The following NUP35 variants were observed in gnomAD, a reference collection of about 807,000 sequenced individuals.
NUP35 encodes the protein nucleoporin NUP35.
NUP35 carries 25 observed loss-of-function variants against 41.5 expected under a neutral mutation model. The observed-to-expected ratio is 0.60, with a 90% CI of 0.44 to 0.84. The LOEUF (loss-of-function observed/expected upper bound fraction) is 0.84, where lower values mean the gene tolerates loss of function less well. Ranked by LOEUF, NUP35 falls within the 40% of genes least tolerant of loss-of-function variation. NUP35 has a pLI of 0.00. For missense variants in NUP35, 396 were observed against 396.6 expected, an observed-to-expected ratio of 1.00 and a Z score of 0.01; for synonymous variants, 149 against 130.7, an observed-to-expected ratio of 1.14 and a Z score of -0.96.
intron 1 of NUP35, among the ~76,000 whole-genome samples, chr2:183,119,343 A>G (rs1575106833): frequency 6.6e-6 from 1 of 152,214 alleles, no homozygotes; most frequent in East Asian, 1.9e-4. Flanking sequence ...AGGAAAAGTT[A>G]TGGTCCCTGG....
At chr2:183,128,572 C>T (rs956383779) in intron 2 of NUP35, 115 bp downstream of exon 2, 7 of 513,530 alleles carry the variant, frequency 1.4e-5, no homozygotes, top group Non-Finnish European at 2.2e-5. Flanking sequence ...ACATAAAATA[C>T]AGTAACTCTA....
chr2:183,130,628 G>A, intron 3 of NUP35, 83 bp downstream of exon 3: 2 of 1,403,136 alleles, frequency 1.4e-6, no homozygotes, highest in Non-Finnish European at 2.0e-6. Flanking sequence ...ACTTTGAAAT[G>A]TTTCCCTGAA....
At chr2:183,161,006 T>C (rs187880113) in intron 8 of NUP35, 48 bp from the exon 9 acceptor site, 3 of 1,420,448 alleles carry the variant, frequency 2.1e-6, no homozygotes, top group African/African-American at 2.8e-5. Context: ...CCTATGACAC[T>C]GAAGTAACAA....
intron 1 of NUP35, chr2:183,118,286 C>T (rs964049174): frequency 6.6e-6 from 1 of 152,080 alleles, no homozygotes; most frequent in African/African-American, 2.4e-5. Flanking sequence ...TATTCATCTA[C>T]AGAGGAATAT....
upstream of NUP35, chr2:183,124,339 C>A: frequency 6.3e-7 from 1 of 1,585,058 alleles, no homozygotes; most frequent in Non-Finnish European, 8.6e-7. Flanking sequence ...TTAAGCATAG[C>A]GCAGGTCCGG....
intron 3 of NUP35, among the ~76,000 whole-genome samples, chr2:183,132,655 A>G (rs939915597): frequency 1.3e-5 from 2 of 152,358 alleles, no homozygotes; most frequent in African/African-American, 4.8e-5. Context: ...CTCTGATGAT[A>G]CAGACAAAGG....
intron 5 of NUP35, among the ~76,000 whole-genome samples, chr2:183,154,139 C>A (rs931985036): frequency 2.0e-5 from 3 of 152,164 alleles, no homozygotes; most frequent in African/African-American, 7.2e-5. Flanking sequence ...AGCACAGGGA[C>A]CCTGGGCCTG....
At chr2:183,157,196 G>C (rs1001824689) in intron 5 of NUP35, among the ~76,000 whole-genome samples, 1 of 152,100 alleles carries the variant, frequency 6.6e-6, no homozygotes, top group Non-Finnish European at 1.5e-5. Flanking sequence ...AGCATTTTTA[G>C]AGATTTCAGA....
At chr2:183,156,632 A>G (rs1424398685) in intron 5 of NUP35, among the ~76,000 whole-genome samples, 1 of 152,038 alleles carries the variant, frequency 6.6e-6, no homozygotes, top group Non-Finnish European at 1.5e-5. Flanking sequence ...GGTGTGAGCC[A>G]TCGTGCCCAG....
At chr2:183,151,416 A>T in intron 4 of NUP35, 92 bp from the exon 5 acceptor site, 1 of 1,247,740 alleles carries the variant, frequency 8.0e-7, no homozygotes, top group Admixed American at 2.1e-5. Flanking sequence ...TGCCAACTTT[A>T]TTAGACTTTA....
At chr2:183,126,973 C>CCTAA (rs10634237) in intron 1 of NUP35, among the ~76,000 whole-genome samples, 11,956 of 151,676 alleles carry the variant, frequency 0.079, 543 homozygotes, top group South Asian at 0.18. Flanking sequence ...TTATTGAGCA[C>CCTAA]CTGTGTATCA....
chr2:183,151,325 C>T (rs1685461987), intron 4 of NUP35, among the ~76,000 whole-genome samples, 183 bp from the exon 5 acceptor site: 1 of 152,136 alleles, frequency 6.6e-6, no homozygotes, highest in Admixed American at 6.5e-5. Context: ...AAACTATGCC[C>T]AATTATTACT....
chr2:183,155,186 A>AT (rs1398596781), intron 5 of NUP35, among the ~76,000 whole-genome samples: 1 of 152,188 alleles, frequency 6.6e-6, no homozygotes, highest in African/African-American at 2.4e-5. Context: ...TCTATTATAT[A>AT]TTTTTTGGGA....
chr2:183,127,940 G>A (rs917744333), intron 1 of NUP35, among the ~76,000 whole-genome samples: 4 of 152,016 alleles, frequency 2.6e-5, no homozygotes, highest in African/African-American at 9.7e-5. Context: ...TGGGCGTGGT[G>A]GTGCAGGCCT....
At chr2:183,140,822 CAAAAAAAA>C (rs34256493) in intron 4 of NUP35, among the ~76,000 whole-genome samples, 79 of 89,544 alleles carry the variant, frequency 8.8e-4, no homozygotes, top group Non-Finnish European at 1.5e-3. Flanking sequence ...AAACTCCATT[CAAAAAAAA>C]AAAAAAAAAG....
upstream of NUP35, among the ~76,000 whole-genome samples, chr2:183,120,607 A>G (rs1353333545): frequency 6.6e-6 from 1 of 152,204 alleles, no homozygotes; most frequent in African/African-American, 2.4e-5. Context: ...AATGTCAGAA[A>G]AAACAAAGTG....
chr2:183,130,358 T>C, intron 2 of NUP35, 60 bp from the exon 3 acceptor site: 1 of 1,488,784 alleles, frequency 6.7e-7, no homozygotes, highest in Non-Finnish European at 9.0e-7. Context: ...AAATATAAAT[T>C]TAAAAAATCT....
In NUP35 at chr2:183,158,371, G is replaced by T. The variant is rs1559157695; in HGVS notation, c.698G>T (p.Gly233Val). The T allele has an allele frequency of 1.2e-6, 2 of 1,608,918 alleles. No individual in the cohort carries two copies. Among genetic ancestry groups the T allele is most frequent in the South Asian group, 2.2e-5 (2 of 90,286 alleles). ...KALSKDGRIFGESIMIGVKPC... is the reference protein window; with the variant it reads ...KALSKDGRIFVESIMIGVKPC... ...TTAAGCAAAGATGGGAGGATTTTTG[G>T]AGAATCCATCATGATTGGTGTAAAA... Residue 233 changes from glycine (G) to valine (V), a missense_variant, in exon 7 of 9, where the codon GGA (glycine) becomes GTA (valine). Gly to Val is a moderately radical substitution (Grantham distance 109). Coordinates refer to ENST00000295119, the MANE Select transcript of NUP35 (RefSeq NM_138285.5).
chr2:183,128,255 A>G, intron 1 of NUP35, 32 bp from the exon 2 acceptor site: 1 of 1,500,200 alleles, frequency 6.7e-7, no homozygotes, highest in Non-Finnish European at 9.0e-7. Context: ...CTGTAACAGA[A>G]AAGTCCTTAA....
Sources: allele counts gnomAD v4.1 joint callset (sites outside exome capture counted in the v4.1 genomes callset), GRCh38; gene constraint gnomAD v4.1.1; transcripts MANE v1.5; gene names NCBI Gene and HGNC (gene_info 2026-07-23, HGNC 2026-07-21).